COL11A1: variants seen among roughly 807,000 people sequenced by gnomAD.
The protein encoded by COL11A1 is collagen alpha-1(XI) chain.
Under a neutral mutation model 265.2 loss-of-function variants are expected in COL11A1, and 74 were observed. The ratio of observed to expected loss-of-function variants is 0.28; its 90% CI spans 0.23 to 0.34. COL11A1 has a LOEUF of 0.34. Ranked by LOEUF, COL11A1 falls within the 10% of genes least tolerant of loss-of-function variation. COL11A1 has a pLI of 1.00. For missense variants in COL11A1, 2,165 were observed against 2,263.6 expected (o/e 0.96, Z 0.88); for synonymous variants, 816 against 727.6 (o/e 1.12, Z -1.96).
At position 103,028,941 on chromosome 1, in the gene COL11A1, A is replaced by C. The variant is rs545752136; in HGVS notation, c.780+2175T>G. ...CACTTGATAAGAAAATCCCAACTCC[A>C]TCATAATTTTAATATTAGCTTGTCA... On this transcript the variant is annotated intron_variant, in intron 5 of 66. Transcript: ENST00000370096. 2.6e-5 allele frequency among the ~76,000 whole-genome samples: 4 copies of C among 152,220 alleles called. No homozygotes were observed. The East Asian group carries it at 7.7e-4, about 29-fold the overall frequency.
At chr1:102,950,628 A>C (rs74596090) in intron 41 of COL11A1, among the ~76,000 whole-genome samples, 5,150 of 152,222 alleles carry the variant, frequency 0.034, 317 homozygotes, top group African/African-American at 0.12. Flanking sequence ...CTCTAACACA[A>C]TATGTCCAAT....
At chr1:102,932,681 G>A (rs1483529754) in intron 46 of COL11A1, among the ~76,000 whole-genome samples, 1 of 152,014 alleles carries the variant, frequency 6.6e-6, no homozygotes, top group Non-Finnish European at 1.5e-5. Context: ...ATATCCTGCA[G>A]AGTGTTTTCC....
chr1:102,957,005 T>C (rs150225975), intron 41 of COL11A1, among the ~76,000 whole-genome samples: 341 of 152,064 alleles, frequency 2.2e-3, no homozygotes, highest in African/African-American at 7.8e-3. Flanking sequence ...TCCAAGGATA[T>C]TCATAAAGAT....
intron 57 of COL11A1, among the ~76,000 whole-genome samples, chr1:102,892,839 T>C (rs1651940265): frequency 1.3e-5 from 2 of 152,192 alleles, no homozygotes; most frequent in Non-Finnish European, 2.9e-5. Flanking sequence ...AAAGTTATTT[T>C]CATACAAGCA....
chr1:103,008,666 C>T (rs1285051333), intron 14 of COL11A1, 150 bp from the exon 15 acceptor site: 10 of 724,710 alleles, frequency 1.4e-5, no homozygotes, highest in Non-Finnish European at 2.4e-5. Flanking sequence ...TAAAATTTTC[C>T]AGCACTTGCA....
intron 21 of COL11A1, 41 bp downstream of exon 21, chr1:103,003,174 G>A: frequency 3.1e-6 from 5 of 1,606,898 alleles, no homozygotes; most frequent in Non-Finnish European, 4.3e-6. Context: ...TTGGCAACAA[G>A]CTTTCCCTAG....
chr1:102,984,093 A>G lies in COL11A1; in HGVS notation c.2556+45T>C, dbSNP rs1024252337. 3.9e-6 allele frequency: 5 copies of G among 1,287,208 alleles called. No homozygotes were observed. The South Asian group carries it at 6.0e-5, about 16-fold the overall frequency. 79.7% of individuals were successfully genotyped at this position (1,287,208 alleles called of 1,614,324 possible). ...AAGGTAATCATAAGTGATTAATATT[A>G]TCTTCACGAAATGTTAATAAACTAT... On this transcript the variant is annotated intron_variant, in intron 31 of 66. Coordinates refer to ENST00000370096, the MANE Select transcript of COL11A1 (RefSeq NM_001854.4).
chr1:102,936,872 A>G (rs1658200156), intron 44 of COL11A1, among the ~76,000 whole-genome samples: 1 of 152,174 alleles, frequency 6.6e-6, no homozygotes, highest in Non-Finnish European at 1.5e-5. Context: ...AGAATATTCA[A>G]AATTATCTGA....
chr1:103,010,992 G>A (rs1016835650), intron 14 of COL11A1, among the ~76,000 whole-genome samples: 4 of 152,060 alleles, frequency 2.6e-5, no homozygotes, highest in African/African-American at 4.8e-5. Context: ...GAGCCACCGC[G>A]CCCAGCCTGA....
chr1:102,939,392 T>C (rs1658486146), intron 43 of COL11A1, among the ~76,000 whole-genome samples: 1 of 152,186 alleles, frequency 6.6e-6, no homozygotes, highest in Non-Finnish European at 1.5e-5. Flanking sequence ...ATAAAATCTA[T>C]AATTACACAT....
chr1:103,092,161 T>C (rs149296021), intron 1 of COL11A1, among the ~76,000 whole-genome samples: 1 of 152,268 alleles, frequency 6.6e-6, no homozygotes, highest in East Asian at 1.9e-4. Flanking sequence ...TTTATAATTC[T>C]AACCTATTTA....
At chr1:102,880,200 T>G (rs548113097) in intron 65 of COL11A1, among the ~76,000 whole-genome samples, 115 of 152,250 alleles carry the variant, frequency 7.6e-4, no homozygotes, top group Non-Finnish European at 1.2e-3. Context: ...CTATAAAAAA[T>G]GCTTTAGTTT....
At chr1:103,044,497 A>G (rs1669092093) in intron 4 of COL11A1, among the ~76,000 whole-genome samples, 1 of 152,110 alleles carries the variant, frequency 6.6e-6, no homozygotes, top group African/African-American at 2.4e-5. Flanking sequence ...CAAAAGTTGG[A>G]TAAAACACTA....
chr1:103,027,370 C>G (rs2101972070), intron 5 of COL11A1, among the ~76,000 whole-genome samples: 1 of 130,354 alleles, frequency 7.7e-6, no homozygotes, highest in East Asian at 2.2e-4. Context: ...GCATAAAAAG[C>G]AGTAAACTCA....
chr1:102,899,030 CAT>C, intron 54 of COL11A1, 36 bp from the exon 55 acceptor site: 1 of 1,250,950 alleles, frequency 8.0e-7, no homozygotes, highest in Non-Finnish European at 1.1e-6. Context: ...ATATGTATCA[CAT>C]ATAAAAGTAA....
At chr1:102,930,814 G>A (rs1657324891) in intron 46 of COL11A1, among the ~76,000 whole-genome samples, 1 of 151,150 alleles carries the variant, frequency 6.6e-6, no homozygotes, top group African/African-American at 2.4e-5. Flanking sequence ...TCCTGGTTTA[G>A]TCTTGGGAGA....
At chr1:102,962,869 TATTCTC>T (rs1557877431) in intron 38 of COL11A1, 109 bp from the exon 39 acceptor site, 3 of 955,468 alleles carry the variant, frequency 3.1e-6, no homozygotes, top group Admixed American at 4.0e-5. Flanking sequence ...CATCCTCACT[TATTCTC>T]ATGATGTCCT....
chr1:103,006,166 T>A (rs760491359), intron 16 of COL11A1, 45 bp from the exon 17 acceptor site: 2 of 1,019,626 alleles, frequency 2.0e-6, no homozygotes, highest in South Asian at 1.6e-5. Context: ...CTTTTATTAC[T>A]AGCAAGGAAG....
At chr1:102,995,601 A>G (rs1369862648) in intron 28 of COL11A1, among the ~76,000 whole-genome samples, 1 of 148,804 alleles carries the variant, frequency 6.7e-6, no homozygotes, top group East Asian at 2.0e-4. Context: ...AAACTTAAGC[A>G]CATGTAAAAA....
Sources: allele counts gnomAD v4.1 joint callset (sites outside exome capture counted in the v4.1 genomes callset), GRCh38; gene constraint gnomAD v4.1.1; transcripts MANE v1.5; gene names NCBI Gene and HGNC (gene_info 2026-07-23, HGNC 2026-07-21).